Variants in OPA1 observed in about 807,000 individuals in gnomAD.
The protein encoded by OPA1 is dynamin-like GTPase OPA1, mitochondrial.
In OPA1, 59 loss-of-function variants were observed where a neutral mutation model predicts 152.9. The ratio of observed to expected loss-of-function variants is 0.39; its 90% confidence interval spans 0.31 to 0.48. OPA1 has a LOEUF of 0.48. OPA1 is among the 20% of genes least tolerant of loss of function. The probability of loss-of-function intolerance (pLI) is 0.96; values close to 1 mark genes in which losing one functional copy is unlikely to be tolerated. For missense variants in OPA1, 1,008 were observed against 1,216.8 expected, an observed-to-expected ratio of 0.83 and a Z score of 2.55; for synonymous variants, 400 against 389.9, an observed-to-expected ratio of 1.03 and a Z score of -0.31.
chr3:193,614,844 C>G lies in OPA1; in HGVS notation c.154C>G (p.Arg52Gly). 6.2e-7 allele frequency: 1 copy of G among 1,613,926 alleles called. No homozygotes were observed. Residue 52 changes from arginine to glycine, a missense_variant, in exon 2 of 31, where the codon CGA (arginine) becomes GGA (glycine). Coordinates refer to ENST00000361510, the MANE Select transcript of OPA1 (RefSeq NM_130837.3). Reference protein sequence around the residue: ...HSHHPTLKLQRPQLRTSFQQF... With the variant: ...HSHHPTLKLQGPQLRTSFQQF... Reference sequence around the variant, plus strand: ...ACATCATCCTACCTTAAAGCTTCAACGACCCCAATTAAGGACATCCTTTCA... The same window carrying G: ...ACATCATCCTACCTTAAAGCTTCAAGGACCCCAATTAAGGACATCCTTTCA...
At chr3:193,631,503 A>G (rs945789061) in intron 7 of OPA1, 109 bp from the exon 8 acceptor site, 48 of 718,636 alleles carry the variant, frequency 6.7e-5, no homozygotes, top group African/African-American at 4.7e-4. Flanking sequence ...TTAAATATGC[A>G]TATAAAGTCA....
intron 29 of OPA1, among the ~76,000 whole-genome samples, chr3:193,682,841 T>C (rs1475775132): frequency 6.6e-6 from 1 of 152,250 alleles, no homozygotes; most frequent in African/African-American, 2.4e-5. Flanking sequence ...AGGAGATTTA[T>C]GTTGTTTTTG....
At chr3:193,594,829 C>T (rs1437893253) in intron 1 of OPA1, among the ~76,000 whole-genome samples, 1 of 152,070 alleles carries the variant, frequency 6.6e-6, no homozygotes, top group East Asian at 1.9e-4. Context: ...AGTTCACAGC[C>T]CTTGGTATTA....
intron 28 of OPA1, 44 bp downstream of exon 28, chr3:193,666,433 T>C (rs367823132): frequency 2.2e-6 from 3 of 1,366,562 alleles, no homozygotes; most frequent in East Asian, 2.3e-5. Context: ...CATTAAAAAA[T>C]AATAGTGGTA....
In OPA1 at chr3:193,614,820, C is replaced by T; in HGVS notation, c.130C>T (p.His44Tyr). ...HLVSRSIYHS[H>Y]HPTLKLQRPQ... ...GGTTTCACGAAGCATTTATCATTCA[C>T]ATCATCCTACCTTAAAGCTTCAACG... Residue 44 changes from histidine (H) to tyrosine (Y), a missense_variant, in exon 2 of 31, where the codon CAT (histidine) becomes TAT (tyrosine). Around this residue, in one of 7 missense-constraint regions of OPA1, gnomAD observed 408 missense variants for 395.1 expected, o/e 1.03. Coordinates refer to ENST00000361510, the MANE Select transcript of OPA1 (RefSeq NM_130837.3). The T allele has an allele frequency of 6.2e-7, 1 of 1,613,368 alleles. No homozygotes were observed. The highest frequency in any genetic ancestry group is 1.6e-4 in the Middle Eastern group (1 of 6,062).
At chr3:193,652,610 ATC>A (rs1373004092) in intron 21 of OPA1, among the ~76,000 whole-genome samples, 1 of 152,202 alleles carries the variant, frequency 6.6e-6, no homozygotes. Context: ...GAATAGCTTC[ATC>A]TCAGCAGAAT....
chr3:193,667,322 C>G (rs776011832), intron 29 of OPA1, 42 bp downstream of exon 29: 7 of 913,978 alleles, frequency 7.7e-6, no homozygotes, highest in African/African-American at 6.5e-5. Context: ...ACCTTTCCAC[C>G]TTTCCCATTT....
At position 193,696,395 on chromosome 3, in the gene OPA1, G is replaced by A. The variant is rs1161110199; in HGVS notation, c.*1795G>A. 5 of 152,198 alleles carry A rather than the reference G, an allele frequency of 3.3e-5. No homozygotes were observed. The highest frequency in any genetic ancestry group is 3.3e-4 in the Admixed American group (5 of 15,282). 9.4% of individuals were successfully genotyped at this position (152,198 alleles called of 1,614,324 possible). On this transcript the variant is annotated 3_prime_UTR_variant, in exon 31 of 31. Transcript: ENST00000361510. ...GGAGGGAGATCTTCATTTCTTTGAG[G>A]AGATCAGTATTGTAACGTATGTGAA...
At chr3:193,646,205 G>A (rs557412261) in intron 18 of OPA1, among the ~76,000 whole-genome samples, 21 of 152,150 alleles carry the variant, frequency 1.4e-4, no homozygotes, top group Non-Finnish European at 2.5e-4. Context: ...CAGGAGATAA[G>A]ATAAGCAAAA....
At chr3:193,648,528 T>A in intron 20 of OPA1, 1 of 432,082 alleles carries the variant, frequency 2.3e-6, no homozygotes, top group Non-Finnish European at 4.2e-6. Flanking sequence ...TTAATATGTA[T>A]TGATGCTTTC....
intron 29 of OPA1, among the ~76,000 whole-genome samples, chr3:193,675,327 G>GAAA (rs988338349): frequency 6.2e-4 from 39 of 63,304 alleles, no homozygotes; most frequent in East Asian, 1.6e-3. Context: ...TTTTTTTTAA[G>GAAA]AAAAAAAAAA....
intron 6 of OPA1, among the ~76,000 whole-genome samples, chr3:193,623,829 GC>G (rs2108925707): frequency 6.6e-6 from 1 of 152,266 alleles, no homozygotes; most frequent in South Asian, 2.1e-4. Context: ...TAGCTTAGAG[GC>G]TGTGTGGCCA....
chr3:193,601,275 ATT>A (rs1410709875), intron 1 of OPA1, among the ~76,000 whole-genome samples: 2 of 152,084 alleles, frequency 1.3e-5, no homozygotes, highest in African/African-American at 2.4e-5. Context: ...ATCCTCGTCT[ATT>A]TCGAGGCTAG....
intron 29 of OPA1, among the ~76,000 whole-genome samples, chr3:193,690,369 G>T (rs996704909): frequency 1.7e-5 from 2 of 119,448 alleles, no homozygotes; most frequent in African/African-American, 6.7e-5. Flanking sequence ...CCTAGAATAA[G>T]AAGTGCTTCA....
chr3:193,622,470 G>A (rs530818088), intron 6 of OPA1, among the ~76,000 whole-genome samples: 20 of 152,000 alleles, frequency 1.3e-4, no homozygotes, highest in African/African-American at 4.6e-4. Context: ...CTCATGGTCC[G>A]TCCACCTCTG....
intron 29 of OPA1, among the ~76,000 whole-genome samples, chr3:193,686,503 T>C (rs1222993868): frequency 6.6e-6 from 1 of 152,206 alleles, no homozygotes; most frequent in Non-Finnish European, 1.5e-5. Flanking sequence ...ATCTGTTTGG[T>C]TCAACCTTTC....
At chr3:193,623,682 A>T (rs1333773907) in intron 6 of OPA1, among the ~76,000 whole-genome samples, 2 of 152,188 alleles carry the variant, frequency 1.3e-5, no homozygotes, top group Non-Finnish European at 2.9e-5. Context: ...TTTAAAAATT[A>T]TTTTTGTACC....
At chr3:193,614,610 T>C (rs1340427022) in intron 1 of OPA1, 113 bp from the exon 2 acceptor site, 1 of 798,252 alleles carries the variant, frequency 1.3e-6, no homozygotes, top group African/African-American at 1.7e-5. Context: ...TGTGTGACAT[T>C]GTGGTTAGTC....
At chr3:193,640,545 A>G (rs1733629859) in intron 11 of OPA1, among the ~76,000 whole-genome samples, 1 of 152,210 alleles carries the variant, frequency 6.6e-6, no homozygotes, top group African/African-American at 2.4e-5. Flanking sequence ...ACTAAGCCAG[A>G]TGATCAGCTG....
Sources: gnomAD v4.1 joint callset for allele counts (sites outside exome capture counted in the v4.1 genomes callset) on GRCh38, gnomAD v4.1.1 for gene constraint, gnomAD v4.1.1 regional missense constraint, MANE v1.5 for transcripts, NCBI Gene and HGNC (gene_info 2026-07-23, HGNC 2026-07-21) for gene names.